The following CELSR1 variants were observed in gnomAD, a reference collection of about 807,000 sequenced individuals.
CELSR1 encodes the protein cadherin EGF LAG seven-pass G-type receptor 1, also known as adhesion G protein-coupled receptor C1.
In CELSR1, 110 loss-of-function variants were observed where a neutral mutation model predicts 249.1. The observed-to-expected ratio is 0.44, with a 90% confidence interval of 0.38 to 0.52. The LOEUF is 0.52. Ranked by LOEUF, CELSR1 falls within the 20% of genes least tolerant of loss-of-function variation. CELSR1 has a pLI of 0.00. For missense variants in CELSR1, 4,109 were observed against 4,296.4 expected (o/e 0.96, Z 1.22); for synonymous variants, 2,113 against 1,900.0 (o/e 1.11, Z -2.92).
At chr22:46,470,927 C>T (rs944676415) in intron 1 of CELSR1, among the ~76,000 whole-genome samples, 3 of 152,160 alleles carry the variant, frequency 2.0e-5, no homozygotes, top group African/African-American at 7.2e-5. Flanking sequence ...GAGTTCGAGA[C>T]TAGCCTGGCG....
rs1602140775 is a variant in CELSR1 at position 46,441,033 on chromosome 22, A to T, written c.4184-1622T>A. 6.6e-6 allele frequency among the ~76,000 whole-genome samples: 1 copy of T among 151,932 alleles called. No individual in the cohort carries two copies. Among genetic ancestry groups the T allele is most frequent in the Non-Finnish European group, 1.5e-5 (1 of 67,990 alleles). Reference sequence around the variant, plus strand: ...CCAGGCGTGGTGGCGGGTGCCTGTAATCCCATCTACTCGGGAGGCTGAGGC... The same window carrying T: ...CCAGGCGTGGTGGCGGGTGCCTGTATTCCCATCTACTCGGGAGGCTGAGGC... On this transcript the variant is annotated intron_variant, in intron 2 of 34. Transcript: ENST00000674500. This position sits in a 1 kb window ranked among gnomAD's most constrained non-coding sequence, Gnocchi z 6.1.
chr22:46,391,178 C>T lies in CELSR1; in HGVS notation c.6250+8G>A, dbSNP rs368897837. The T allele has an allele frequency of 3.1e-5, 50 of 1,609,600 alleles. No individual in the cohort carries two copies. Among genetic ancestry groups the T allele is most frequent in the Non-Finnish European group, 3.9e-5 (46 of 1,177,928 alleles). ...TCAGTTCCCTACACACAGGCCACGG[C>T]GACTCACCAACGGATCCCTTAGGGC... On this transcript the variant is annotated splice_region_variant and intron_variant, in intron 16 of 34. Coordinates refer to ENST00000674500, the MANE Select transcript of CELSR1 (RefSeq NM_001378328.1). This position sits in a 1 kb window ranked among gnomAD's most constrained non-coding sequence, Gnocchi z 4.3.
At position 46,401,961 on chromosome 22, in the gene CELSR1, G is replaced by T. The variant is rs2079214839; in HGVS notation, c.5227-2059C>A. On this transcript the variant is annotated intron_variant, in intron 9 of 34. Transcript: ENST00000674500. The surrounding 1 kb of genome is among the most constrained non-coding windows in gnomAD (Gnocchi z 4.7). ...AAATTAGCTGGGCGTGGTGGCAGGT[G>T]CCTGTAGTTCCAGCTGCTTGGGAGG... is the stretch of plus-strand genomic sequence containing the variant. Among the ~76,000 whole-genome samples the T allele has an allele frequency of 6.6e-6, 1 of 152,122 alleles. No individual in the cohort carries two copies. The highest frequency in any genetic ancestry group is 2.1e-4 in the South Asian group (1 of 4,832).
At position 46,517,352 on chromosome 22, in the gene CELSR1, C is replaced by A. The variant is rs756505889; in HGVS notation, c.3544+16275G>T. On this transcript the variant is annotated intron_variant, in intron 1 of 34. Transcript: ENST00000674500. The surrounding 1 kb of genome is among the most constrained non-coding windows in gnomAD (Gnocchi z 5.4). ...TCCCGGGCCAAACCGGAGACTTGGA[C>A]GGCCGTCCAACACCAAAGCCACCGG... is the stretch of plus-strand genomic sequence containing the variant. Among the ~76,000 whole-genome samples, 2 of 152,228 alleles carry A rather than the reference C, an allele frequency of 1.3e-5. No individual in the cohort carries two copies. The highest frequency in any genetic ancestry group is 4.8e-5 in the African/African-American group (2 of 41,458).
chr22:46,501,459 A>G (rs1315182519), intron 1 of CELSR1, among the ~76,000 whole-genome samples: 6 of 150,510 alleles, frequency 4.0e-5, no homozygotes, highest in Non-Finnish European at 1.5e-5. Context: ...ACCCGCCTCG[A>G]CCTCCCAGAG....
intron 1 of CELSR1, chr22:46,481,478 T>G (rs1034693887): frequency 6.4e-7 from 1 of 1,572,692 alleles, no homozygotes; most frequent in Admixed American, 1.8e-5. Flanking sequence ...TCTTTGGCTT[T>G]GTCGTTGCAA....
intron 27 of CELSR1, 120 bp from the exon 28 acceptor site, chr22:46,367,975 C>T (rs2078806654): frequency 2.2e-6 from 3 of 1,345,418 alleles, no homozygotes; most frequent in Non-Finnish European, 3.0e-6. Flanking sequence ...TGTCCGTCCA[C>T]CTGTCCACCC....
intron 1 of CELSR1, among the ~76,000 whole-genome samples, chr22:46,480,823 C>A (rs548345650): frequency 1.3e-5 from 2 of 152,358 alleles, no homozygotes; most frequent in East Asian, 3.9e-4. Flanking sequence ...TTTAGCACCA[C>A]TTTTTTCCGT....
At position 46,427,090 on chromosome 22, in the gene CELSR1, T is replaced by C. The variant is rs1195350115; in HGVS notation, c.4611+6303A>G. Among the ~76,000 whole-genome samples, 1 of 152,142 alleles carries C rather than the reference T, an allele frequency of 6.6e-6. No individual in the cohort carries two copies. The highest frequency in any genetic ancestry group is 1.5e-5 in the Non-Finnish European group (1 of 68,020). On this transcript the variant is annotated intron_variant, in intron 5 of 34. Transcript: ENST00000674500. The surrounding 1 kb of genome is among the most constrained non-coding windows in gnomAD (Gnocchi z 4.2). ...AGGAAAAAAAGATCAATATGAAGTG[T>C]GTGTGCATGTATATATGTACACACA...
chr22:46,462,184 C>T (rs1175236673), intron 2 of CELSR1, among the ~76,000 whole-genome samples: 1 of 152,216 alleles, frequency 6.6e-6, no homozygotes, highest in Admixed American at 6.5e-5. Context: ...TGAGAGACAG[C>T]GGGGGGAAGA....
Position 46,380,706 on chromosome 22 carries a change from G to A in CELSR1, c.7256+82C>T, listed in dbSNP as rs1221527201. ...CCACAAGAGACCGTCCTCTTGGGGC[G>A]CTCTGCCACTGAGCCCCCGACCCTG... On this transcript the variant is annotated intron_variant, in intron 22 of 34. Coordinates refer to ENST00000674500, the MANE Select transcript of CELSR1 (RefSeq NM_001378328.1). This position sits in a 1 kb window ranked among gnomAD's most constrained non-coding sequence, Gnocchi z 5.1. 11 of 1,499,784 alleles carry A rather than the reference G, an allele frequency of 7.3e-6. No individual in the cohort carries two copies. The highest frequency in any genetic ancestry group is 2.4e-5 in the South Asian group (2 of 83,532). 92.9% of individuals were successfully genotyped at this position (1,499,784 alleles called of 1,614,324 possible).
At chr22:46,368,049 G>C (rs908605947) in intron 27 of CELSR1, among the ~76,000 whole-genome samples, 194 bp from the exon 28 acceptor site, 2 of 152,202 alleles carry the variant, frequency 1.3e-5, no homozygotes, top group African/African-American at 4.8e-5. Context: ...CCGGGAACCA[G>C]ACAGAGCTCG....
In CELSR1 at chr22:46,363,743, G is replaced by A. The variant is rs910111357; in HGVS notation, c.9035+253C>T. The A allele has an allele frequency of 6.1e-5, 33 of 541,810 alleles. No homozygotes were observed. Among genetic ancestry groups the A allele is most frequent in the Non-Finnish European group, 9.6e-5 (30 of 312,334 alleles). The allele number at this position is 541,810 out of a possible 1,614,324, so 33.6% of individuals were successfully genotyped here. A position where few individuals can be genotyped will look rare whatever the true frequency, so the allele number is the denominator to read the frequency against. On this transcript the variant is annotated intron_variant, in intron 34 of 34. Coordinates refer to ENST00000674500, the MANE Select transcript of CELSR1 (RefSeq NM_001378328.1). This position sits in a 1 kb window ranked among gnomAD's most constrained non-coding sequence, Gnocchi z 4.3. Reference sequence around the variant, plus strand: ...CCAGCACCTTAGGTCCTAGCATTTTGGGGCTGGCCAGGGCTTCAGAGTCCC... The same window carrying A: ...CCAGCACCTTAGGTCCTAGCATTTTAGGGCTGGCCAGGGCTTCAGAGTCCC...
chr22:46,463,961 T>A lies in CELSR1; in HGVS notation c.3929A>T (p.Glu1310Val). 1 of 1,613,990 alleles carries A rather than the reference T, an allele frequency of 6.2e-7. No individual in the cohort carries two copies. The highest frequency in any genetic ancestry group is 8.5e-7 in the Non-Finnish European group (1 of 1,180,032). ...LPFDDNICLREPCENYMKCVS... is the reference protein window; with the variant it reads ...LPFDDNICLRVPCENYMKCVS... Reference sequence around the variant, plus strand: ...GCACTTCATGTAGTTCTCGCAGGGCTCGCGCAGGCAGATGTTGTCGTCGAA... The same window carrying A: ...GCACTTCATGTAGTTCTCGCAGGGCACGCGCAGGCAGATGTTGTCGTCGAA... Residue 1310 changes from glutamate to valine, a missense_variant, in exon 2 of 35, where the codon GAG becomes GTG. By Grantham distance (121) the Glu-to-Val change is moderately radical (BLOSUM62 -2). Transcript: ENST00000674500.
rs1317147563 is a variant in CELSR1 at position 46,428,099 on chromosome 22, A to G, written c.4611+5294T>C. Among the ~76,000 whole-genome samples, 1 of 152,156 alleles carries G rather than the reference A, an allele frequency of 6.6e-6. No homozygotes were observed. Among genetic ancestry groups the G allele is most frequent in the African/African-American group, 2.4e-5 (1 of 41,430 alleles). ...TAGCGGTCATCTCAAGGTCATGGAA[A>G]TCTCAAAGCACTTACATCCTCTGCT... On this transcript the variant is annotated intron_variant, in intron 5 of 34. Coordinates refer to ENST00000674500, the MANE Select transcript of CELSR1 (RefSeq NM_001378328.1). The surrounding 1 kb of genome is among the most constrained non-coding windows in gnomAD (Gnocchi z 5.7).
At chr22:46,403,392 C>CAAA (rs61497637) in intron 9 of CELSR1, among the ~76,000 whole-genome samples, 27 of 116,226 alleles carry the variant, frequency 2.3e-4, no homozygotes, top group South Asian at 5.8e-4. Context: ...ACTAAAAATA[C>CAAA]AAAAAAAAAA....
chr22:46,461,320 C>T (rs780400445), intron 2 of CELSR1, among the ~76,000 whole-genome samples: 3 of 152,138 alleles, frequency 2.0e-5, no homozygotes, highest in Non-Finnish European at 4.4e-5. Context: ...CAGACTTGGC[C>T]GTTCCCCAGT....
At chr22:46,368,047 C>G (rs1294434988) in intron 27 of CELSR1, among the ~76,000 whole-genome samples, 192 bp from the exon 28 acceptor site, 1 of 152,200 alleles carries the variant, frequency 6.6e-6, no homozygotes, top group Non-Finnish European at 1.5e-5. Flanking sequence ...ATCCGGGAAC[C>G]AGACAGAGCT....
chr22:46,363,630 C>A lies in CELSR1; in HGVS notation c.9035+366G>T. ...CCCAGCTCCACCCCGCCCCCTTCAC[C>A]CCTGGCATTCCGGGACCCTCAGTAT... On this transcript the variant is annotated intron_variant, in intron 34 of 34. Transcript: ENST00000674500. The surrounding 1 kb of genome is among the most constrained non-coding windows in gnomAD (Gnocchi z 4.3). 1 of 362,562 alleles carries A rather than the reference C, an allele frequency of 2.8e-6. No individual in the cohort carries two copies. Among genetic ancestry groups the A allele is most frequent in the South Asian group, 4.3e-5 (1 of 23,046 alleles). The allele number at this position is 362,562 out of a possible 1,614,324, so 22.5% of individuals were successfully genotyped here.
Sources: allele counts gnomAD v4.1 joint callset (sites outside exome capture counted in the v4.1 genomes callset), GRCh38; gene constraint gnomAD v4.1.1; non-coding constraint Gnocchi (gnomAD v3.1); transcripts MANE v1.5; gene names NCBI Gene and HGNC (gene_info 2026-07-23, HGNC 2026-07-21).